RPS6KA6: variants seen among roughly 807,000 people sequenced by gnomAD.
The protein encoded by RPS6KA6 is ribosomal protein S6 kinase A6.
A neutral mutation model predicts 65.4 loss-of-function variants in RPS6KA6; 27 were observed. That is an observed-to-expected ratio of 0.41 (90% confidence interval 0.30 to 0.57). The LOEUF (loss-of-function observed/expected upper bound fraction) is 0.57, where lower values mean the gene tolerates loss of function less well. Ranked by LOEUF, RPS6KA6 falls within the 20% of genes least tolerant of loss-of-function variation. The probability of loss-of-function intolerance (pLI) is 0.24; values close to 1 mark genes in which losing one functional copy is unlikely to be tolerated. For synonymous variants in RPS6KA6, 190 were observed against 184.2 expected (o/e 1.03, Z -0.26); for missense variants, 486 against 555.6 (o/e 0.87, Z 1.26).
intron 2 of RPS6KA6, among the ~76,000 whole-genome samples, chrX:84,157,179 C>A (rs967554575): frequency 1.8e-5 from 2 of 111,391 alleles, no homozygotes; most frequent in Non-Finnish European, 3.8e-5. Flanking sequence ...TTCATAGCAG[C>A]TAAAATAACT....
chrX:84,173,102 C>A (rs1381969225), intron 1 of RPS6KA6, among the ~76,000 whole-genome samples: 1 of 109,868 alleles, frequency 9.1e-6, no homozygotes, highest in African/African-American at 3.3e-5. Context: ...GTTAAGATGG[C>A]AAATTTTATG....
intron 12 of RPS6KA6, among the ~76,000 whole-genome samples, chrX:84,110,739 A>T (rs1176972537): frequency 4.5e-5 from 5 of 111,427 alleles, no homozygotes; most frequent in Non-Finnish European, 9.4e-5. Context: ...GTAATATGTG[A>T]CAGCTTCTAC....
intron 3 of RPS6KA6, among the ~76,000 whole-genome samples, chrX:84,152,591 C>CAAAT (rs1181001418): frequency 2.5e-4 from 28 of 111,127 alleles, no homozygotes; most frequent in East Asian, 5.6e-4. Flanking sequence ...CTTATCTTCC[C>CAAAT]ATATATGTAC....
chrX:84,117,949 C>A (rs6622918), intron 9 of RPS6KA6, among the ~76,000 whole-genome samples: 5,622 of 110,440 alleles, frequency 0.051, 198 homozygotes, highest in East Asian at 0.2. Context: ...CCACCACCAC[C>A]CCCTGCCACA....
chrX:84,145,347 A>G, intron 6 of RPS6KA6, 131 bp downstream of exon 6: 1 of 423,056 alleles, frequency 2.4e-6, no homozygotes, highest in Non-Finnish European at 4.0e-6. Context: ...CACATTACCA[A>G]ATACTATGCA....
intron 1 of RPS6KA6, among the ~76,000 whole-genome samples, chrX:84,179,751 A>G (rs2035823113): frequency 9.0e-6 from 1 of 111,547 alleles, no homozygotes; most frequent in Non-Finnish European, 1.9e-5. Context: ...CCATCTGTAA[A>G]ATAAAGTACA....
chrX:84,091,180 C>T (rs922052936), intron 20 of RPS6KA6, among the ~76,000 whole-genome samples: 1 of 112,045 alleles, frequency 8.9e-6, no homozygotes, highest in African/African-American at 3.2e-5. Context: ...CTATTAAAAG[C>T]GACTTCAAGC....
At chrX:84,166,696 T>C (rs1246761154) in intron 1 of RPS6KA6, among the ~76,000 whole-genome samples, 1 of 111,263 alleles carries the variant, frequency 9.0e-6, no homozygotes, top group East Asian at 2.8e-4. Flanking sequence ...ATTTCATTCA[T>C]ATGAAATAAT....
chrX:84,066,468 G>A (rs1161538277), intron 20 of RPS6KA6, among the ~76,000 whole-genome samples: 2 of 110,195 alleles, frequency 1.8e-5, no homozygotes, highest in African/African-American at 6.6e-5. Flanking sequence ...TTGAGTAGGC[G>A]GTCTTCCCCT....
chrX:84,112,608 A>G (rs185831180), intron 12 of RPS6KA6, among the ~76,000 whole-genome samples: 1 of 112,004 alleles, frequency 8.9e-6, no homozygotes. Context: ...GGAATAAAAA[A>G]ATTGAAATGA....
At chrX:84,099,282 C>CT (rs1454959657) in intron 18 of RPS6KA6, among the ~76,000 whole-genome samples, 1 of 111,365 alleles carries the variant, frequency 9.0e-6, no homozygotes. Context: ...AAACAGTCCA[C>CT]TTTTTTTCTA....
intron 1 of RPS6KA6, among the ~76,000 whole-genome samples, chrX:84,184,118 T>C (rs1247223622): frequency 8.9e-6 from 1 of 112,591 alleles, no homozygotes; most frequent in African/African-American, 3.2e-5. Context: ...TCTCTTCTTA[T>C]CCTTCCACTG....
At chrX:84,175,846 G>C (rs1242164359) in intron 1 of RPS6KA6, among the ~76,000 whole-genome samples, 1 of 111,187 alleles carries the variant, frequency 9.0e-6, no homozygotes, top group Non-Finnish European at 1.9e-5. Flanking sequence ...CAGTTATCAA[G>C]ACAGAAATTG....
intron 20 of RPS6KA6, among the ~76,000 whole-genome samples, chrX:84,065,312 A>G (rs1226857829): frequency 8.9e-6 from 1 of 111,760 alleles, no homozygotes; most frequent in Non-Finnish European, 1.9e-5. Flanking sequence ...AAATCCTTAT[A>G]CACCACTTTT....
intron 11 of RPS6KA6, 35 bp from the exon 12 acceptor site, chrX:84,116,322 A>G: frequency 1.1e-6 from 1 of 891,170 alleles, no homozygotes; most frequent in Non-Finnish European, 1.6e-6. Flanking sequence ...TATTTTTATG[A>G]TTTTTTTTAG....
At chrX:84,116,678 A>C (rs1220236921) in intron 11 of RPS6KA6, among the ~76,000 whole-genome samples, 1 of 110,494 alleles carries the variant, frequency 9.1e-6, no homozygotes, top group Non-Finnish European at 1.9e-5. Context: ...ATCTGGATAC[A>C]GGGAAAGGCT....
chrX:84,157,282 A>G (rs1399779152), intron 2 of RPS6KA6, among the ~76,000 whole-genome samples: 1 of 111,776 alleles, frequency 8.9e-6, no homozygotes, highest in African/African-American at 3.2e-5. Context: ...CTACCAGCAA[A>G]TCAACAAGAA....
intron 2 of RPS6KA6, among the ~76,000 whole-genome samples, chrX:84,157,266 T>C (rs958483779): frequency 1.9e-4 from 21 of 111,452 alleles, no homozygotes; most frequent in Non-Finnish European, 5.7e-5. Context: ...TTGTAGGTGT[T>C]AGGAACTACC....
At chrX:84,175,771 C>T (rs982142404) in intron 1 of RPS6KA6, among the ~76,000 whole-genome samples, 1 of 111,354 alleles carries the variant, frequency 9.0e-6, no homozygotes, top group African/African-American at 3.3e-5. Flanking sequence ...AATATATTGT[C>T]CTTCAGTTCA....
Sources: allele counts gnomAD v4.1 joint callset (sites outside exome capture counted in the v4.1 genomes callset), GRCh38; gene constraint gnomAD v4.1.1; transcripts MANE v1.5; gene names NCBI Gene and HGNC (gene_info 2026-07-23, HGNC 2026-07-21).